DYNC1I1: variants seen among roughly 807,000 people sequenced by gnomAD.
DYNC1I1 encodes dynein cytoplasmic 1 intermediate chain 1.
Under a neutral mutation model 86.6 loss-of-function variants are expected in DYNC1I1, and 43 were observed. The observed-to-expected ratio is 0.50, with a 90% CI of 0.39 to 0.64. DYNC1I1 has a LOEUF of 0.64. Among genes scored for constraint, DYNC1I1 ranks in the 30% least tolerant of loss-of-function variants. The probability of loss-of-function intolerance (pLI) is 0.00; values close to 1 mark genes in which losing one functional copy is unlikely to be tolerated. For synonymous variants in DYNC1I1, 262 were observed against 283.7 expected (o/e 0.92, Z 0.77); for missense variants, 604 against 788.8 (o/e 0.77, Z 2.81).
rs78204691 is a variant in DYNC1I1 at position 95,932,557 on chromosome 7, C to A, written c.491-44955C>A. Among the ~76,000 whole-genome samples the A allele has an allele frequency of 5.3e-5, 8 of 152,202 alleles. No homozygotes were observed. The East Asian group carries it at 1.5e-3, about 29-fold the overall frequency. ...GGGTAGGGTATTTGTCAGCTTGACC[C>A]CGCCTGAGAAAATGTCAAGATCACA... On this transcript the variant is annotated intron_variant, in intron 6 of 16. Transcript: ENST00000447467.
chr7:95,919,529 T>C (rs1425715621), intron 6 of DYNC1I1, among the ~76,000 whole-genome samples: 1 of 152,150 alleles, frequency 6.6e-6, no homozygotes, highest in Non-Finnish European at 1.5e-5. Flanking sequence ...AGAGAAAAAG[T>C]TATGACATCA....
chr7:95,802,590 A>C (rs190467597), intron 1 of DYNC1I1: 1 of 152,260 alleles, frequency 6.6e-6, no homozygotes, highest in East Asian at 1.9e-4. Context: ...ATAGAACTCA[A>C]TTTTCTGTTT....
chr7:95,868,070 A>C (rs1293657623), intron 5 of DYNC1I1, among the ~76,000 whole-genome samples: 1 of 152,188 alleles, frequency 6.6e-6, no homozygotes, highest in Non-Finnish European at 1.5e-5. Context: ...CTGTGTAAGA[A>C]GGGAGCAAGG....
intron 16 of DYNC1I1, among the ~76,000 whole-genome samples, chr7:96,104,634 T>C (rs1391258483): frequency 6.6e-6 from 1 of 152,156 alleles, no homozygotes; most frequent in African/African-American, 2.4e-5. Context: ...ATTTTCTTTT[T>C]GTTCATTAAA....
At chr7:95,917,631 A>G (rs1390230941) in intron 6 of DYNC1I1, among the ~76,000 whole-genome samples, 1 of 152,236 alleles carries the variant, frequency 6.6e-6, no homozygotes, top group Non-Finnish European at 1.5e-5. Flanking sequence ...AATAGAAAGT[A>G]TCAAAAATAC....
At chr7:96,002,839 T>G (rs551261856) in intron 10 of DYNC1I1, among the ~76,000 whole-genome samples, 223 of 150,964 alleles carry the variant, frequency 1.5e-3, no homozygotes, top group African/African-American at 5.0e-3. Context: ...GTTTTTTTTG[T>G]GTTTTTTTTG....
At chr7:96,061,678 T>TCTCC (rs1181114003) in intron 14 of DYNC1I1, among the ~76,000 whole-genome samples, 12 of 148,292 alleles carry the variant, frequency 8.1e-5, no homozygotes, top group South Asian at 4.3e-4. Context: ...CCTCTCTCTC[T>TCTCC]CTCCCTCCCT....
At chr7:96,002,310 C>T (rs1400487480) in intron 10 of DYNC1I1, among the ~76,000 whole-genome samples, 1 of 152,176 alleles carries the variant, frequency 6.6e-6, no homozygotes, top group African/African-American at 2.4e-5. Flanking sequence ...GAAACTGAGA[C>T]AATTCCAAAG....
intron 6 of DYNC1I1, among the ~76,000 whole-genome samples, chr7:95,904,141 T>G (rs1791111816): frequency 6.6e-6 from 1 of 152,126 alleles, no homozygotes; most frequent in African/African-American, 2.4e-5. Flanking sequence ...TATGGAGAAG[T>G]TTAGACTGCC....
chr7:96,001,725 A>G (rs372681661), intron 10 of DYNC1I1, among the ~76,000 whole-genome samples: 2 of 152,116 alleles, frequency 1.3e-5, no homozygotes, highest in African/African-American at 2.4e-5. Context: ...GATGTCTCTT[A>G]TAAGGACACT....
At chr7:95,990,776 TCCCAACA>T (rs762743366) in intron 9 of DYNC1I1, among the ~76,000 whole-genome samples, 49 of 152,254 alleles carry the variant, frequency 3.2e-4, no homozygotes, top group Admixed American at 1.2e-3. Flanking sequence ...ACACCTGTAA[TCCCAACA>T]CTTTGGGAGG....
At chr7:95,964,240 A>T (rs1792947390) in intron 6 of DYNC1I1, among the ~76,000 whole-genome samples, 1 of 152,204 alleles carries the variant, frequency 6.6e-6, no homozygotes, top group South Asian at 2.1e-4. Context: ...GTCAGCAAAA[A>T]GCACTCCGAA....
At chr7:96,041,558 C>T (rs773203677) in intron 14 of DYNC1I1, among the ~76,000 whole-genome samples, 19 of 152,052 alleles carry the variant, frequency 1.2e-4, no homozygotes, top group Non-Finnish European at 2.1e-4. Context: ...AGAATGAATA[C>T]AACTCAAAAA....
At chr7:95,786,256 C>T (rs1318541854) in intron 1 of DYNC1I1, among the ~76,000 whole-genome samples, 1 of 152,102 alleles carries the variant, frequency 6.6e-6, no homozygotes, top group Non-Finnish European at 1.5e-5. Context: ...GCTACAGTCC[C>T]ATTGAACTGT....
intron 1 of DYNC1I1, among the ~76,000 whole-genome samples, chr7:95,788,445 A>G (rs1054437654): frequency 1.8e-4 from 28 of 152,234 alleles, no homozygotes; most frequent in African/African-American, 6.7e-4. Context: ...TGAAGTGGGG[A>G]AGATCAAAAG....
At chr7:95,883,243 G>A (rs934106415) in intron 6 of DYNC1I1, among the ~76,000 whole-genome samples, 1 of 152,088 alleles carries the variant, frequency 6.6e-6, no homozygotes, top group Non-Finnish European at 1.5e-5. Flanking sequence ...TGAACTTTTT[G>A]GATGTGTCCC....
intron 13 of DYNC1I1, among the ~76,000 whole-genome samples, chr7:96,036,789 A>T (rs1794937138): frequency 6.6e-6 from 1 of 152,206 alleles, no homozygotes; most frequent in Non-Finnish European, 1.5e-5. Flanking sequence ...CTCTACCTTA[A>T]CTGAGAGATT....
intron 16 of DYNC1I1, among the ~76,000 whole-genome samples, chr7:96,104,322 A>T (rs1310498549): frequency 6.6e-6 from 1 of 152,146 alleles, no homozygotes; most frequent in Non-Finnish European, 1.5e-5. Flanking sequence ...CATATGCTTT[A>T]GAACTTCATT....
At chr7:95,982,163 C>T (rs1316963534) in intron 7 of DYNC1I1, among the ~76,000 whole-genome samples, 1 of 152,112 alleles carries the variant, frequency 6.6e-6, no homozygotes, top group Non-Finnish European at 1.5e-5. Context: ...TCAAAAATTA[C>T]TATGGCCCTA....
Sources: allele counts gnomAD v4.1 joint callset (sites outside exome capture counted in the v4.1 genomes callset), GRCh38; gene constraint gnomAD v4.1.1; transcripts MANE v1.5; gene names NCBI Gene and HGNC (gene_info 2026-07-23, HGNC 2026-07-21).